The following XKRX variants were observed in gnomAD, a reference collection of about 807,000 sequenced individuals.
The protein encoded by XKRX is XK related X-linked, also known as XK-related protein 2.
A neutral mutation model predicts 22.4 loss-of-function variants in XKRX; 11 were observed. The observed-to-expected ratio is 0.49, with a 90% CI of 0.31 to 0.81. XKRX has a LOEUF of 0.81. Among genes scored for constraint, XKRX ranks in the 40% least tolerant of loss-of-function variants. The probability of loss-of-function intolerance (pLI) is 0.05; values close to 1 mark genes in which losing one functional copy is unlikely to be tolerated. For synonymous variants in XKRX, 114 were observed against 132.2 expected, an observed-to-expected ratio of 0.86 and a Z score of 0.94; for missense variants, 320 against 336.5, an observed-to-expected ratio of 0.95 and a Z score of 0.38.
chrX:100,893,749 G>A, the XKRX span, among the ~76,000 whole-genome samples: 1 of 111,797 alleles, frequency 8.9e-6, no homozygotes, highest in African/African-American at 3.3e-5. Flanking sequence ...ACTTACAAGG[G>A]GAAGCTAAAC....
At chrX:100,892,359 T>G in the XKRX span, among the ~76,000 whole-genome samples, 1 of 111,803 alleles carries the variant, frequency 8.9e-6, no homozygotes, top group East Asian at 2.8e-4. Context: ...AGGGGATGGA[T>G]ACCCCATTCT....
chrX:100,931,303 G>A (rs1404572057), upstream of XKRX, among the ~76,000 whole-genome samples: 1 of 110,025 alleles, frequency 9.1e-6, no homozygotes, highest in Non-Finnish European at 1.9e-5. Flanking sequence ...GTTCCAAAAT[G>A]ACTCCTTCTG....
At chrX:100,899,519 A>AAG in the XKRX span, among the ~76,000 whole-genome samples, 1 of 112,637 alleles carries the variant, frequency 8.9e-6, no homozygotes, top group African/African-American at 3.2e-5. Flanking sequence ...TGTCTCAAAA[A>AAG]AGAGAGAGAG....
chrX:100,924,008 T>TG (rs1312223702), intron 1 of XKRX, among the ~76,000 whole-genome samples: 1 of 70,592 alleles, frequency 1.4e-5, no homozygotes, highest in Non-Finnish European at 2.8e-5. Flanking sequence ...GGCTAAGGTT[T>TG]TTTTTTTTTT....
downstream of XKRX, chrX:100,911,036 C>T (rs368740005): frequency 7.2e-6 from 4 of 554,677 alleles, no homozygotes; most frequent in East Asian, 3.3e-5. Context: ...TAAACAGAAA[C>T]GAAAAGAGAA....
chrX:100,927,835 C>T (rs1219744344), intron 1 of XKRX, 135 bp downstream of exon 1: 2 of 810,055 alleles, frequency 2.5e-6, no homozygotes, highest in Non-Finnish European at 3.4e-6. Context: ...GAATGGTAGA[C>T]AGGGAAGCCG....
intron 2 of XKRX, among the ~76,000 whole-genome samples, chrX:100,917,361 A>G (rs2085441676): frequency 9.1e-6 from 1 of 109,407 alleles, no homozygotes; most frequent in Admixed American, 9.9e-5. Flanking sequence ...TCACACCTGT[A>G]ATCCCAAGCA....
At chrX:100,930,160 G>A (rs912371662), upstream of XKRX, among the ~76,000 whole-genome samples, 2 of 108,964 alleles carry the variant, frequency 1.8e-5, no homozygotes, top group East Asian at 5.7e-4. Context: ...GTGGTGGTGC[G>A]TGACTGTAAT....
downstream of XKRX, among the ~76,000 whole-genome samples, chrX:100,912,718 A>G (rs781662193): frequency 4.5e-5 from 5 of 111,764 alleles, no homozygotes; most frequent in East Asian, 2.8e-4. Flanking sequence ...TTTGGTCCCA[A>G]TAGGCAGTGG....
the XKRX span, chrX:100,888,595 G>A: frequency 1.1e-5 from 5 of 460,598 alleles, no homozygotes; most frequent in East Asian, 3.6e-5. Flanking sequence ...TAGACACGAC[G>A]GAAGGGAGAA....
In XKRX at chrX:100,913,976, G is replaced by A. The variant is rs1430942594; in HGVS notation, c.*362C>T. Reference sequence around the variant, plus strand: ...AGGATATATTCTAGCGGGATTCTGGGCCTTCAGCTCAGCCCAGGAAAGCTC... The same window carrying A: ...AGGATATATTCTAGCGGGATTCTGGACCTTCAGCTCAGCCCAGGAAAGCTC... On this transcript the variant is annotated 3_prime_UTR_variant, in exon 3 of 3. Coordinates refer to ENST00000372956, the MANE Select transcript of XKRX (RefSeq NM_212559.3). The A allele has an allele frequency of 1.7e-5, 3 of 171,654 alleles. No individual in the cohort carries two copies. Among genetic ancestry groups the A allele is most frequent in the Non-Finnish European group, 1.1e-5 (1 of 91,274 alleles). The allele number at this position is 171,654 out of a possible 1,213,427, so 14.1% of individuals were successfully genotyped here.
chrX:100,919,680 GAATTATTTTAAAAGTC>G (rs1418445787), intron 2 of XKRX, among the ~76,000 whole-genome samples: 1 of 111,228 alleles, frequency 9.0e-6, no homozygotes, highest in Non-Finnish European at 1.9e-5. Context: ...CAAAGAAAGC[GAATTATTTTAAAAGTC>G]AATTATTTTA....
the XKRX span, among the ~76,000 whole-genome samples, chrX:100,954,615 G>T: frequency 2.7e-5 from 3 of 111,606 alleles, no homozygotes; most frequent in Non-Finnish European, 5.6e-5. Flanking sequence ...CTTGTACATG[G>T]ATATTCATCA....
chrX:100,932,488 A>T (rs1405093681), upstream of XKRX, among the ~76,000 whole-genome samples: 2 of 111,997 alleles, frequency 1.8e-5, no homozygotes, highest in East Asian at 5.6e-4. Context: ...GAAGAACAAG[A>T]TCTGACTCCT....
At chrX:100,930,585 A>T (rs1023424348), upstream of XKRX, among the ~76,000 whole-genome samples, 2 of 111,476 alleles carry the variant, frequency 1.8e-5, no homozygotes, top group African/African-American at 6.5e-5. Flanking sequence ...CACCTATGCT[A>T]GCAGCTGGGC....
intron 2 of XKRX, among the ~76,000 whole-genome samples, chrX:100,918,336 A>G (rs1240462456): frequency 9.0e-6 from 1 of 111,661 alleles, no homozygotes; most frequent in Admixed American, 9.6e-5. Context: ...GTCTTTCTCA[A>G]CCATTCTCAG....
At chrX:100,894,482 GT>G in the XKRX span, among the ~76,000 whole-genome samples, 2 of 111,335 alleles carry the variant, frequency 1.8e-5, no homozygotes, top group African/African-American at 6.5e-5. Context: ...ATGCATTTAT[GT>G]TTTTTTCAGC....
the XKRX span, among the ~76,000 whole-genome samples, chrX:100,897,640 TTTCCTA>T: frequency 1.1e-5 from 1 of 88,113 alleles, no homozygotes; most frequent in Non-Finnish European, 2.2e-5. Flanking sequence ...TGTGTGTGTG[TTTCCTA>T]GTTCTTTCTA....
intron 2 of XKRX, among the ~76,000 whole-genome samples, chrX:100,917,634 G>GAAGAAAGAAAGAAAGAAAGA (rs745405207): frequency 8.4e-4 from 41 of 49,015 alleles, no homozygotes; most frequent in African/African-American, 4.6e-3. Flanking sequence ...GAGAAAGAAA[G>GAAGAAAGAAAGAAAGAAAGA]AAGAAAGAAA....
Sources: allele counts gnomAD v4.1 joint callset (sites outside exome capture counted in the v4.1 genomes callset), GRCh38; gene constraint gnomAD v4.1.1; transcripts MANE v1.5; gene names NCBI Gene and HGNC (gene_info 2026-07-23, HGNC 2026-07-21).